Variants in KIRREL3 observed in about 807,000 individuals in gnomAD.
KIRREL3 encodes kirre like nephrin family adhesion molecule 3.
In KIRREL3, 36 loss-of-function variants were observed where a neutral mutation model predicts 89.7. The observed-to-expected ratio is 0.40, with a 90% CI of 0.31 to 0.53. KIRREL3 has a LOEUF of 0.53. Among genes scored for constraint, KIRREL3 ranks in the 20% least tolerant of loss-of-function variants. The pLI is 0.49. For synonymous variants in KIRREL3, 445 were observed against 441.4 expected (o/e 1.01, Z -0.10); for missense variants, 864 against 1,056.6 (o/e 0.82, Z 2.53).
intron 1 of KIRREL3, among the ~76,000 whole-genome samples, chr11:126,913,769 A>G (rs183873869): frequency 7.0e-4 from 107 of 152,274 alleles, no homozygotes; most frequent in South Asian, 1.7e-3. Context: ...GAAAGAGACT[A>G]CCATATAAGA....
At chr11:126,538,115 T>A (rs929337587) in intron 2 of KIRREL3, among the ~76,000 whole-genome samples, 1 of 152,180 alleles carries the variant, frequency 6.6e-6, no homozygotes, top group Non-Finnish European at 1.5e-5. Context: ...ATTAGAAACC[T>A]GCATGGGTGG....
rs1314729279 is a variant in KIRREL3 at position 126,535,008 on chromosome 11, G to A, written c.134-8321C>T. On this transcript the variant is annotated intron_variant, in intron 2 of 16. Transcript: ENST00000525144. This position sits in a 1 kb window ranked among gnomAD's most constrained non-coding sequence, Gnocchi z 4.5. Reference sequence around the variant, plus strand: ...GTGGCTGGTGGGAGGAAGTGTGGAGGTGGCAGCAGCAGTGACAGGTGTGGC... The same window carrying A: ...GTGGCTGGTGGGAGGAAGTGTGGAGATGGCAGCAGCAGTGACAGGTGTGGC... 2.6e-5 allele frequency among the ~76,000 whole-genome samples: 4 copies of A among 152,158 alleles called. No individual in the cohort carries two copies. Among genetic ancestry groups the A allele is most frequent in the Admixed American group, 2.0e-4 (3 of 15,286 alleles).
chr11:126,438,574 G>A (rs1056983781), intron 11 of KIRREL3, among the ~76,000 whole-genome samples: 7 of 152,220 alleles, frequency 4.6e-5, no homozygotes, highest in Non-Finnish European at 1.0e-4. Context: ...AGTGAGAACC[G>A]CTGGCCTAGA....
chr11:126,803,809 C>G (rs765576243), intron 1 of KIRREL3, among the ~76,000 whole-genome samples: 45 of 152,174 alleles, frequency 3.0e-4, no homozygotes, highest in Admixed American at 5.9e-4. Context: ...TAGCTATCAA[C>G]TAGATACACT....
chr11:126,852,793 C>T (rs894854489), intron 1 of KIRREL3, among the ~76,000 whole-genome samples: 1 of 152,214 alleles, frequency 6.6e-6, no homozygotes, highest in African/African-American at 2.4e-5. Flanking sequence ...AAGGCAATGG[C>T]AGGCTCTTAA....
At chr11:126,823,163 AC>A (rs1943286470) in intron 1 of KIRREL3, among the ~76,000 whole-genome samples, 1 of 152,172 alleles carries the variant, frequency 6.6e-6, no homozygotes, top group Non-Finnish European at 1.5e-5. Context: ...CCTCACACTA[AC>A]CATTCTGGAT....
chr11:126,711,379 G>T (rs573228494), intron 1 of KIRREL3, among the ~76,000 whole-genome samples: 12 of 152,176 alleles, frequency 7.9e-5, no homozygotes, highest in Non-Finnish European at 1.8e-4. Context: ...GGCCAATATG[G>T]TGAACCCCCC....
Position 126,465,015 on chromosome 11 carries a change from A to G in KIRREL3, c.592-1708T>C, listed in dbSNP as rs541341668. 3.7e-4 allele frequency among the ~76,000 whole-genome samples: 57 copies of G among 152,110 alleles called. 1 individual carries two copies. Among genetic ancestry groups the G allele is most frequent in the African/African-American group, 1.4e-3 (56 of 41,470 alleles). On this transcript the variant is annotated intron_variant, in intron 5 of 16. Transcript: ENST00000525144. ...CCCTCTCCTGTTCCTCTTTGCAGCT[A>G]CTTCCCCATCACTTTGGGGCGCACT...
At position 126,432,730 on chromosome 11, in the gene KIRREL3, G is replaced by C. The variant is rs1403715631; in HGVS notation, c.1589-1204C>G. ...AACTGACTTTGCCTCTCTTATATCTGTAGGATGGGGATAATGGTACCGGCC... is the reference window on the plus strand; with the variant it reads ...AACTGACTTTGCCTCTCTTATATCTCTAGGATGGGGATAATGGTACCGGCC... On this transcript the variant is annotated intron_variant, in intron 13 of 16. Coordinates refer to ENST00000525144, the MANE Select transcript of KIRREL3 (RefSeq NM_032531.4). This position sits in a 1 kb window ranked among gnomAD's most constrained non-coding sequence, Gnocchi z 6.2. Among the ~76,000 whole-genome samples the C allele has an allele frequency of 6.6e-6, 1 of 152,124 alleles. No homozygotes were observed. Among genetic ancestry groups the C allele is most frequent in the Admixed American group, 6.5e-5 (1 of 15,278 alleles).
In KIRREL3 at chr11:126,639,505, T is replaced by C. The variant is rs998604026; in HGVS notation, c.56-76593A>G. Among the ~76,000 whole-genome samples the C allele has an allele frequency of 2.6e-5, 4 of 152,336 alleles. No homozygotes were observed. The highest frequency in any genetic ancestry group is 2.0e-4 in the Admixed American group (3 of 15,300). ...ATAAACCATTTCCAATGTGGCAGCT[T>C]CTAATCCAGGAGAGTTAAGAAGGCA... On this transcript the variant is annotated intron_variant, in intron 1 of 16. Transcript: ENST00000525144. This position sits in a 1 kb window ranked among gnomAD's most constrained non-coding sequence, Gnocchi z 4.3.
chr11:126,623,781 T>C lies in KIRREL3; in HGVS notation c.56-60869A>G, dbSNP rs1338223880. On this transcript the variant is annotated intron_variant, in intron 1 of 16. Coordinates refer to ENST00000525144, the MANE Select transcript of KIRREL3 (RefSeq NM_032531.4). The surrounding 1 kb of genome is among the most constrained non-coding windows in gnomAD (Gnocchi z 4.1). ...AAAGATATACATAGAAATTCTAGGTTCTCAAGAAAATAAACAAACCAACTT... is the reference window on the plus strand; with the variant it reads ...AAAGATATACATAGAAATTCTAGGTCCTCAAGAAAATAAACAAACCAACTT... 6.6e-6 allele frequency among the ~76,000 whole-genome samples: 1 copy of C among 152,098 alleles called. No homozygotes were observed. Among genetic ancestry groups the C allele is most frequent in the Non-Finnish European group, 1.5e-5 (1 of 68,016 alleles).
rs1591512978 is a variant in KIRREL3 at position 126,425,853 on chromosome 11, C to T, written c.1807-129G>A. ...CCCCACCACCCCTCACTGCCTGGAC[C>T]ATGTGAAAGAGTCAAGATGAGTTCC... is the stretch of plus-strand genomic sequence containing the variant. On this transcript the variant is annotated intron_variant, in intron 15 of 16. Coordinates refer to ENST00000525144, the MANE Select transcript of KIRREL3 (RefSeq NM_032531.4). The T allele has an allele frequency of 2.2e-5, 15 of 684,280 alleles. No homozygotes were observed. The East Asian group carries it at 4.2e-4, about 19-fold the overall frequency. 42.4% of individuals were successfully genotyped at this position (684,280 alleles called of 1,614,324 possible). A position where few individuals can be genotyped will look rare whatever the true frequency, so the allele number is the denominator to read the frequency against.
chr11:126,856,350 A>T (rs996178617), intron 1 of KIRREL3, among the ~76,000 whole-genome samples: 2 of 151,910 alleles, frequency 1.3e-5, no homozygotes, highest in Admixed American at 6.6e-5. Context: ...TGGCCTTTAA[A>T]TTTTTTTTCT....
At chr11:126,770,306 T>C (rs1416859433) in intron 1 of KIRREL3, among the ~76,000 whole-genome samples, 2 of 152,104 alleles carry the variant, frequency 1.3e-5, no homozygotes, top group Non-Finnish European at 2.9e-5. Flanking sequence ...CCCTGACCTA[T>C]AGACACCCGC....
rs141431689 is a variant in KIRREL3, at chr11:126,649,913, A to G, written c.56-87001T>C. 7.6e-3 allele frequency among the ~76,000 whole-genome samples: 1,156 copies of G among 152,350 alleles called. 15 individuals carry two copies. Among genetic ancestry groups the G allele is most frequent in the African/African-American group, 0.026 (1,083 of 41,580 alleles). On this transcript the variant is annotated intron_variant, in intron 1 of 16. Coordinates refer to ENST00000525144, the MANE Select transcript of KIRREL3 (RefSeq NM_032531.4). ...TCCATGAGGTTCCCACCCCTGCAGC[A>G]AACTTCTGCCTGGGCATCCAGGAGT...
chr11:126,680,415 T>TATATATATATACACACAC (rs551073557), intron 1 of KIRREL3, among the ~76,000 whole-genome samples: 2 of 151,498 alleles, frequency 1.3e-5, no homozygotes, highest in African/African-American at 4.9e-5. Context: ...TATATATATA[T>TATATATATATACACACAC]ACACATAGCC....
chr11:126,987,962 C>G lies in KIRREL3; in HGVS notation c.55+12493G>C, dbSNP rs1311695035. Among the ~76,000 whole-genome samples the G allele has an allele frequency of 6.6e-6, 1 of 152,194 alleles. No individual in the cohort carries two copies. The highest frequency in any genetic ancestry group is 1.5e-5 in the Non-Finnish European group (1 of 68,040). The stretch of plus-strand genomic sequence containing the variant: ...TCATAGGCTCTATGACACTCAGGCT[C>G]TCCTACATTCTAAGAGTCTTTTTAT... On this transcript the variant is annotated intron_variant, in intron 1 of 16. Coordinates refer to ENST00000525144, the MANE Select transcript of KIRREL3 (RefSeq NM_032531.4). This position sits in a 1 kb window ranked among gnomAD's most constrained non-coding sequence, Gnocchi z 4.6.
chr11:126,807,957 T>C lies in KIRREL3; in HGVS notation c.55+192498A>G, dbSNP rs1749682440. 6.6e-6 allele frequency among the ~76,000 whole-genome samples: 1 copy of C among 152,238 alleles called. No individual in the cohort carries two copies. The highest frequency in any genetic ancestry group is 2.1e-4 in the South Asian group (1 of 4,828). On this transcript the variant is annotated intron_variant, in intron 1 of 16. Coordinates refer to ENST00000525144, the MANE Select transcript of KIRREL3 (RefSeq NM_032531.4). This position sits in a 1 kb window ranked among gnomAD's most constrained non-coding sequence, Gnocchi z 4.3. ...CAACCTTTTTATCTGTATCCCTCAG[T>C]GCCTGGCATGGTGTTATTTTTCCCA...
chr11:126,824,192 T>G (rs1341444835), intron 1 of KIRREL3, among the ~76,000 whole-genome samples: 1 of 152,172 alleles, frequency 6.6e-6, no homozygotes, highest in African/African-American at 2.4e-5. Flanking sequence ...CTGTCAGAAC[T>G]GTCCCCAGGC....
Sources: gnomAD v4.1 joint callset for allele counts (sites outside exome capture counted in the v4.1 genomes callset) on GRCh38, gnomAD v4.1.1 for gene constraint, Gnocchi (gnomAD v3.1) non-coding constraint, MANE v1.5 for transcripts, NCBI Gene and HGNC (gene_info 2026-07-23, HGNC 2026-07-21) for gene names.